Variants in TIAM1 observed in about 807,000 individuals in gnomAD.
TIAM1 encodes rho guanine nucleotide exchange factor TIAM1.
Under a neutral mutation model 163.5 loss-of-function variants are expected in TIAM1, and 65 were observed. That is an observed-to-expected ratio of 0.40 (90% CI 0.33 to 0.49). TIAM1 has a LOEUF of 0.49. Among genes scored for constraint, TIAM1 ranks in the 20% least tolerant of loss-of-function variants. The pLI is 0.77. For missense variants in TIAM1, 1,789 were observed against 2,044.7 expected (o/e 0.87, Z 2.41); for synonymous variants, 833 against 810.1 (o/e 1.03, Z -0.48).
chr21:31,335,455 G>A (rs942320644), intron 2 of TIAM1, among the ~76,000 whole-genome samples: 13 of 152,136 alleles, frequency 8.5e-5, no homozygotes, highest in African/African-American at 2.7e-4. Flanking sequence ...GCTCATGCTT[G>A]TAATCCCGGG....
At chr21:31,123,085 C>T (rs528342549) in intron 27 of TIAM1, among the ~76,000 whole-genome samples, 1 of 152,354 alleles carries the variant, frequency 6.6e-6, no homozygotes, top group East Asian at 1.9e-4. Flanking sequence ...TCTTGGTAAT[C>T]ATGACGGACG....
chr21:31,347,058 C>T (rs757190434), upstream of TIAM1, among the ~76,000 whole-genome samples: 2 of 152,042 alleles, frequency 1.3e-5, no homozygotes, highest in Non-Finnish European at 2.9e-5. Context: ...ATGGTGGGGA[C>T]GCAATACATA....
At chr21:31,423,241 G>C (rs947404560) in intron 2 of TIAM1, among the ~76,000 whole-genome samples, 2 of 151,770 alleles carry the variant, frequency 1.3e-5, no homozygotes, top group Non-Finnish European at 2.9e-5. Flanking sequence ...TGGGACTACA[G>C]GCGCCCGCCA....
rs554334793 is a variant in TIAM1, at chr21:31,355,513, A to G, written c.-368-16091T>C. 1.3e-3 allele frequency among the ~76,000 whole-genome samples: 192 copies of G among 149,280 alleles called. 2 individuals carry two copies. The highest frequency in any genetic ancestry group is 4.6e-3 in the African/African-American group (185 of 40,590). On this transcript the variant is annotated intron_variant, in intron 2 of 28. Transcript: ENST00000286827. ...ATTTCCTTTCTTACTTCCCTGATTT[A>G]TTTTTCTCTCCTTTATTATTTATTT...
At chr21:31,140,390 A>G (rs1434304401) in intron 22 of TIAM1, among the ~76,000 whole-genome samples, 4 of 152,252 alleles carry the variant, frequency 2.6e-5, no homozygotes, top group Non-Finnish European at 5.9e-5. Flanking sequence ...GACGAATGTT[A>G]CTATATATCA....
intron 27 of TIAM1, among the ~76,000 whole-genome samples, chr21:31,122,130 T>G (rs2082024725): frequency 6.6e-6 from 1 of 152,216 alleles, no homozygotes; most frequent in Non-Finnish European, 1.5e-5. Context: ...GCAGCCATCC[T>G]CTGCTTCAGA....
intron 10 of TIAM1, among the ~76,000 whole-genome samples, chr21:31,211,728 T>G (rs553018322): frequency 1.2e-3 from 186 of 152,302 alleles, no homozygotes; most frequent in Middle Eastern, 6.8e-3. Context: ...TAAATCCCAT[T>G]AAGTATAATT....
In TIAM1 at chr21:31,120,851, C is replaced by G. The variant is rs754144011; in HGVS notation, c.4307-14G>C. The G allele has an allele frequency of 8.3e-6, 13 of 1,570,582 alleles. No individual in the cohort carries two copies. Among genetic ancestry groups the G allele is most frequent in the Admixed American group, 1.9e-5 (1 of 52,240 alleles). ...TTGGGGCAGACACTGCACACACACA[C>G]AAAAATATAAAAATAAAACCCCCAC... On this transcript the variant is annotated splice_polypyrimidine_tract_variant and intron_variant, in intron 27 of 27. Transcript: ENST00000541036. This position sits in a 1 kb window ranked among gnomAD's most constrained non-coding sequence, Gnocchi z 4.2.
chr21:31,528,836 A>G (rs958587726), intron 1 of TIAM1, among the ~76,000 whole-genome samples: 2 of 151,976 alleles, frequency 1.3e-5, no homozygotes, highest in Non-Finnish European at 2.9e-5. Context: ...ATTAAAAAAA[A>G]AAAACTCTCA....
At chr21:31,256,000 T>C (rs1428237112) in intron 4 of TIAM1, among the ~76,000 whole-genome samples, 1 of 152,186 alleles carries the variant, frequency 6.6e-6, no homozygotes, top group African/African-American at 2.4e-5. Context: ...AGCTGTAGCC[T>C]AATACATACA....
chr21:31,149,213 T>C (rs2083273307), intron 19 of TIAM1, among the ~76,000 whole-genome samples: 1 of 152,204 alleles, frequency 6.6e-6, no homozygotes, highest in Admixed American at 6.5e-5. Context: ...AGAAGAGTGA[T>C]GGTTGAGTAT....
At chr21:31,155,094 C>T (rs1441992761) in intron 16 of TIAM1, among the ~76,000 whole-genome samples, 1 of 152,198 alleles carries the variant, frequency 6.6e-6, no homozygotes, top group Admixed American at 6.5e-5. Context: ...CTAAAATAGG[C>T]CTCAATGGGA....
intron 2 of TIAM1, among the ~76,000 whole-genome samples, chr21:31,401,472 T>C (rs1037506791): frequency 2.6e-5 from 4 of 152,204 alleles, no homozygotes; most frequent in East Asian, 1.9e-4. Context: ...TGTTCCTCTA[T>C]TGGGATATGG....
intron 1 of TIAM1, among the ~76,000 whole-genome samples, chr21:31,503,744 T>C (rs2046940811): frequency 6.6e-6 from 1 of 150,786 alleles, no homozygotes; most frequent in Admixed American, 6.6e-5. Flanking sequence ...CCACAATACC[T>C]CTTCATCATC....
At chr21:31,514,039 T>A (rs1481866646) in intron 1 of TIAM1, among the ~76,000 whole-genome samples, 7 of 151,726 alleles carry the variant, frequency 4.6e-5, no homozygotes, top group Admixed American at 4.6e-4. Flanking sequence ...TTCTGGCACA[T>A]CCCCCAAAGG....
At chr21:31,522,544 T>C (rs369638880) in intron 1 of TIAM1, among the ~76,000 whole-genome samples, 2 of 151,168 alleles carry the variant, frequency 1.3e-5, no homozygotes, top group Non-Finnish European at 2.9e-5. Flanking sequence ...CAAAAAATAA[T>C]AATAATTAAT....
At chr21:31,247,936 A>C (rs910545376) in intron 5 of TIAM1, among the ~76,000 whole-genome samples, 2 of 152,168 alleles carry the variant, frequency 1.3e-5, no homozygotes. Context: ...GTTTTCCTCT[A>C]AGTCAGAGGT....
intron 19 of TIAM1, among the ~76,000 whole-genome samples, chr21:31,150,341 G>A (rs942041796): frequency 6.6e-6 from 1 of 152,010 alleles, no homozygotes; most frequent in African/African-American, 2.4e-5. Context: ...TCTTTACCCC[G>A]GCTCCAAAAC....
intron 2 of TIAM1, among the ~76,000 whole-genome samples, chr21:31,336,950 C>T (rs1238083071): frequency 1.3e-5 from 2 of 152,128 alleles, no homozygotes; most frequent in East Asian, 3.9e-4. Flanking sequence ...ACTAGGCACG[C>T]CATGGCAGTC....
Sources: gnomAD v4.1 joint callset for allele counts (sites outside exome capture counted in the v4.1 genomes callset) on GRCh38, gnomAD v4.1.1 for gene constraint, Gnocchi (gnomAD v3.1) non-coding constraint, MANE v1.5 for transcripts, NCBI Gene and HGNC (gene_info 2026-07-23, HGNC 2026-07-21) for gene names.